Variants in SCHIP1 observed in about 807,000 individuals in gnomAD.
SCHIP1 encodes schwannomin-interacting protein 1.
In SCHIP1, 8 loss-of-function variants were observed where a neutral mutation model predicts 29.7. The ratio of observed to expected loss-of-function variants is 0.27; its 90% confidence interval spans 0.16 to 0.49. The LOEUF (loss-of-function observed/expected upper bound fraction) is 0.49. Ranked by LOEUF, SCHIP1 falls within the 20% of genes least tolerant of loss-of-function variation. SCHIP1 has a pLI of 0.99. For missense variants in SCHIP1, 193 were observed against 294.6 expected, an observed-to-expected ratio of 0.66 and a Z score of 2.52; for synonymous variants, 76 against 94.9, an observed-to-expected ratio of 0.80 and a Z score of 1.16.
At chr3:159,712,782 A>G in the SCHIP1 span, among the ~76,000 whole-genome samples, 1 of 151,736 alleles carries the variant, frequency 6.6e-6, no homozygotes, top group East Asian at 1.9e-4. Context: ...AGAGAGGAAG[A>G]AAGGAAGGAA....
the SCHIP1 span, among the ~76,000 whole-genome samples, chr3:159,402,548 T>C: frequency 6.6e-6 from 1 of 152,126 alleles, no homozygotes; most frequent in African/African-American, 2.4e-5. Flanking sequence ...CCAAACATGA[T>C]AGACTGGATT....
the SCHIP1 span, among the ~76,000 whole-genome samples, chr3:159,601,983 T>C: frequency 1.3e-5 from 2 of 152,188 alleles, no homozygotes; most frequent in African/African-American, 2.4e-5. Flanking sequence ...TTAGGTCTCA[T>C]AGGGGAGGGT....
At chr3:159,357,483 A>G in the SCHIP1 span, among the ~76,000 whole-genome samples, 1,337 of 152,342 alleles carry the variant, frequency 8.8e-3, 19 homozygotes, top group African/African-American at 0.031. Context: ...GGTAAGTTCT[A>G]TCAATGAGAG....
At chr3:159,338,894 G>T in the SCHIP1 span, among the ~76,000 whole-genome samples, 6 of 152,082 alleles carry the variant, frequency 3.9e-5, no homozygotes, top group African/African-American at 7.2e-5. Context: ...AGTGAAAGAA[G>T]CTATGTCACT....
At chr3:159,355,207 C>A in the SCHIP1 span, among the ~76,000 whole-genome samples, 3 of 151,946 alleles carry the variant, frequency 2.0e-5, no homozygotes, top group Admixed American at 2.0e-4. Context: ...CATGCACACA[C>A]ACATACAAAC....
At chr3:159,426,883 C>T in the SCHIP1 span, among the ~76,000 whole-genome samples, 24 of 152,240 alleles carry the variant, frequency 1.6e-4, no homozygotes, top group South Asian at 6.2e-4. Context: ...GATCAATATA[C>T]GCAAACCAAT....
chr3:159,295,279 A>AC, the SCHIP1 span, among the ~76,000 whole-genome samples: 23 of 144,320 alleles, frequency 1.6e-4, no homozygotes, highest in African/African-American at 5.7e-4. Context: ...AAAAAAAACA[A>AC]CTAGCCAGGC....
chr3:159,430,048 A>T, the SCHIP1 span, among the ~76,000 whole-genome samples: 1 of 152,152 alleles, frequency 6.6e-6, no homozygotes, highest in Non-Finnish European at 1.5e-5. Flanking sequence ...TTCCACTACA[A>T]TCCAAACAGA....
chr3:159,506,099 G>T, the SCHIP1 span, among the ~76,000 whole-genome samples: 1 of 152,188 alleles, frequency 6.6e-6, no homozygotes, highest in Admixed American at 6.5e-5. Context: ...GTGTAAAAGT[G>T]TTCCTATTTC....
chr3:159,795,572 G>C, the SCHIP1 span, among the ~76,000 whole-genome samples: 1 of 152,170 alleles, frequency 6.6e-6, no homozygotes, highest in Non-Finnish European at 1.5e-5. Flanking sequence ...CCCAGACAGG[G>C]GTTCCTGACA....
At chr3:159,844,226 G>C (rs1402467134) in intron 1 of SCHIP1, among the ~76,000 whole-genome samples, 1 of 152,184 alleles carries the variant, frequency 6.6e-6, no homozygotes, top group Non-Finnish European at 1.5e-5. Flanking sequence ...AAATACAATG[G>C]ATTCTTACAC....
chr3:159,622,517 G>A, the SCHIP1 span, among the ~76,000 whole-genome samples: 2 of 152,136 alleles, frequency 1.3e-5, no homozygotes, highest in Non-Finnish European at 1.5e-5. Context: ...TCTCAAGATC[G>A]TAAGGACCTT....
the SCHIP1 span, among the ~76,000 whole-genome samples, chr3:159,550,018 C>T: frequency 2.3e-5 from 3 of 127,876 alleles, no homozygotes; most frequent in Non-Finnish European, 1.7e-5. Flanking sequence ...ATTCTCTCCA[C>T]TGTATATTTG....
chr3:159,715,896 A>G, the SCHIP1 span, among the ~76,000 whole-genome samples: 1 of 152,220 alleles, frequency 6.6e-6, no homozygotes, highest in African/African-American at 2.4e-5. Context: ...GGAAATAGAG[A>G]GAATGCCACA....
chr3:159,414,082 C>A, the SCHIP1 span, among the ~76,000 whole-genome samples: 1 of 152,178 alleles, frequency 6.6e-6, no homozygotes, highest in Non-Finnish European at 1.5e-5. Flanking sequence ...AGAAACCATA[C>A]AATGGCAGGG....
chr3:159,745,638 T>A, the SCHIP1 span, among the ~76,000 whole-genome samples: 1 of 152,244 alleles, frequency 6.6e-6, no homozygotes, highest in Non-Finnish European at 1.5e-5. Flanking sequence ...ATGTCATTGA[T>A]GCTTTAGTTT....
the SCHIP1 span, among the ~76,000 whole-genome samples, chr3:159,504,390 A>G: frequency 4.8e-4 from 73 of 152,284 alleles, no homozygotes; most frequent in African/African-American, 1.6e-3. Context: ...ATTTTAACAG[A>G]TCATGGTGGT....
At chr3:159,692,749 C>T in the SCHIP1 span, among the ~76,000 whole-genome samples, 1 of 148,162 alleles carries the variant, frequency 6.7e-6, no homozygotes, top group Non-Finnish European at 1.5e-5. Flanking sequence ...CAGAGGGAGA[C>T]TACTAAGAAG....
the SCHIP1 span, among the ~76,000 whole-genome samples, chr3:159,788,353 C>A: frequency 6.6e-6 from 1 of 152,202 alleles, no homozygotes; most frequent in Non-Finnish European, 1.5e-5. Flanking sequence ...TACAGAAGTG[C>A]CAAATGCAGT....
Sources: gnomAD v4.1 joint callset for allele counts (sites outside exome capture counted in the v4.1 genomes callset) on GRCh38, gnomAD v4.1.1 for gene constraint, MANE v1.5 for transcripts, NCBI Gene and HGNC (gene_info 2026-07-23, HGNC 2026-07-21) for gene names.